ARL15: variants seen among roughly 807,000 people sequenced by gnomAD.
The protein encoded by ARL15 is ARF like GTPase 15.
A neutral mutation model predicts 25.2 loss-of-function variants in ARL15; 19 were observed. The observed-to-expected ratio is 0.75, with a 90% CI of 0.53 to 1.10. The LOEUF (loss-of-function observed/expected upper bound fraction) is 1.10. Among genes scored for constraint, ARL15 ranks in the 50% least tolerant of loss-of-function variants. The pLI is 0.00. For synonymous variants in ARL15, 94 were observed against 86.8 expected (o/e 1.08, Z -0.46); for missense variants, 220 against 246.0 (o/e 0.89, Z 0.71).
chr5:54,198,095 A>G (rs369110959), intron 1 of ARL15, among the ~76,000 whole-genome samples: 1 of 152,088 alleles, frequency 6.6e-6, no homozygotes, highest in Admixed American at 6.6e-5. Flanking sequence ...AAATTCAACA[A>G]CCCTTCATGT....
intron 4 of ARL15, among the ~76,000 whole-genome samples, chr5:54,055,006 T>C (rs1403437655): frequency 2.0e-5 from 3 of 152,232 alleles, no homozygotes; most frequent in Admixed American, 6.5e-5. Context: ...ACAATTCACA[T>C]ACCACACAAT....
chr5:54,135,852 A>G (rs1011633820), intron 3 of ARL15, among the ~76,000 whole-genome samples: 1 of 152,188 alleles, frequency 6.6e-6, no homozygotes, highest in East Asian at 1.9e-4. Flanking sequence ...GAATGCTATT[A>G]TAAGACTCAT....
In ARL15 at chr5:53,920,651, TAATAAATAAATA is replaced by T. The variant is rs377705778; in HGVS notation, c.463-33950_463-33939del. Among the ~76,000 whole-genome samples, 630 of 141,212 alleles carry T rather than the reference TAATAAATAAATA, an allele frequency of 4.5e-3. 4 individuals are homozygous for T. Among genetic ancestry groups the T allele is most frequent in the African/African-American group, 0.012 (479 of 38,394 alleles). The allele number at this position is 141,212 out of a possible 152,430, so 92.6% of individuals were successfully genotyped here. A position where few individuals can be genotyped will look rare whatever the true frequency, so the allele number is the denominator to read the frequency against. ...GTGAGACTCTGTCTCTATTAAAAAA[TAATAAATAAATA>T]AATAAATAAATAAATAAATAAATAA... On this transcript the variant is annotated intron_variant, in intron 4 of 4. Transcript: ENST00000504924.
intron 4 of ARL15, among the ~76,000 whole-genome samples, chr5:54,107,504 T>TGAAAAA (rs1331660580): frequency 3.9e-5 from 6 of 152,096 alleles, no homozygotes; most frequent in Non-Finnish European, 8.8e-5. Context: ...GATAGGAAGT[T>TGAAAAA]TGCTTGTTCT....
At chr5:53,902,705 G>A (rs1002219463) in intron 4 of ARL15, among the ~76,000 whole-genome samples, 4 of 152,278 alleles carry the variant, frequency 2.6e-5, no homozygotes, top group African/African-American at 4.8e-5. Flanking sequence ...CAAGCCACGC[G>A]TTACTCAGTC....
chr5:54,175,987 T>C (rs1004002843), intron 1 of ARL15, among the ~76,000 whole-genome samples: 1 of 152,116 alleles, frequency 6.6e-6, no homozygotes, highest in Non-Finnish European at 1.5e-5. Context: ...AGTGATATCA[T>C]CTCCAGTCCC....
chr5:54,078,911 A>G (rs1189707087), intron 4 of ARL15, among the ~76,000 whole-genome samples: 5 of 152,214 alleles, frequency 3.3e-5, no homozygotes, highest in Non-Finnish European at 7.4e-5. Flanking sequence ...AGTATCGCTT[A>G]ACTAAAGTGA....
chr5:53,891,595 A>AT (rs1315178984), intron 4 of ARL15, among the ~76,000 whole-genome samples: 3 of 152,026 alleles, frequency 2.0e-5, no homozygotes, highest in South Asian at 2.1e-4. Context: ...CTATTAGCTT[A>AT]TTTTTTCTGC....
chr5:53,962,294 C>T (rs891701125), intron 4 of ARL15, among the ~76,000 whole-genome samples: 5 of 151,960 alleles, frequency 3.3e-5, no homozygotes, highest in Non-Finnish European at 7.4e-5. Context: ...GTATTCTATC[C>T]CATGTACTCC....
At chr5:54,120,423 T>C (rs902569891) in intron 3 of ARL15, among the ~76,000 whole-genome samples, 1 of 152,206 alleles carries the variant, frequency 6.6e-6, no homozygotes, top group Non-Finnish European at 1.5e-5. Flanking sequence ...AACCACAAAG[T>C]ACATTAACCT....
At position 54,071,518 on chromosome 5, in the gene ARL15, C is replaced by A. The variant is rs75420035; in HGVS notation, c.462+41684G>T. Among the ~76,000 whole-genome samples, 123 of 134,642 alleles carry A rather than the reference C, an allele frequency of 9.1e-4. 6 individuals carry two copies. In the Middle Eastern group the frequency reaches 0.014, roughly 16 times the overall value. 88.3% of individuals were successfully genotyped at this position (134,642 alleles called of 152,430 possible). A position where few individuals can be genotyped will look rare whatever the true frequency, so the allele number is the denominator to read the frequency against. ...CTCTCTTCCACCGCCTTTCCCCCCC[C>A]CCCCCCCGCAAAGCCAGACCCAACC... On this transcript the variant is annotated intron_variant, in intron 4 of 4. Coordinates refer to ENST00000504924, the MANE Select transcript of ARL15 (RefSeq NM_019087.3).
At chr5:54,209,044 AAGT>A (rs1217679848) in intron 1 of ARL15, among the ~76,000 whole-genome samples, 6 of 152,320 alleles carry the variant, frequency 3.9e-5, no homozygotes, top group Admixed American at 2.0e-4. Context: ...ACTCAAGAGA[AAGT>A]AGAGTTTAAT....
intron 4 of ARL15, among the ~76,000 whole-genome samples, chr5:54,112,641 T>C (rs1355720086): frequency 2.6e-5 from 4 of 152,188 alleles, no homozygotes; most frequent in Admixed American, 6.5e-5. Flanking sequence ...CTCATGCTTT[T>C]ATAGGAGAGA....
chr5:54,015,306 C>A (rs1313418536), intron 4 of ARL15, among the ~76,000 whole-genome samples: 6 of 143,200 alleles, frequency 4.2e-5, no homozygotes, highest in Admixed American at 1.4e-4. Context: ...AAAAAAAAAA[C>A]AAAAACAAAA....
intron 4 of ARL15, among the ~76,000 whole-genome samples, chr5:53,946,506 T>TCTTTCCC (rs997605807): frequency 8.0e-6 from 1 of 124,498 alleles, no homozygotes; most frequent in African/African-American, 2.9e-5. Flanking sequence ...GATTATAGAA[T>TCTTTCCC]CTTTCCCCTA....
intron 1 of ARL15, among the ~76,000 whole-genome samples, chr5:54,202,525 G>A (rs1054882673): frequency 2.6e-5 from 4 of 152,254 alleles, no homozygotes; most frequent in Non-Finnish European, 5.9e-5. Flanking sequence ...CAAGAAAAGG[G>A]AATCTCCTCT....
At chr5:54,122,420 T>G (rs539868263) in intron 3 of ARL15, among the ~76,000 whole-genome samples, 67 of 152,386 alleles carry the variant, frequency 4.4e-4, no homozygotes, top group African/African-American at 1.5e-3. Flanking sequence ...TGTCCACATG[T>G]GCACGTGCAT....
intron 3 of ARL15, among the ~76,000 whole-genome samples, chr5:54,126,784 C>A (rs1315586689): frequency 2.0e-5 from 3 of 152,304 alleles, no homozygotes; most frequent in Middle Eastern, 6.8e-3. Flanking sequence ...AACTTCCCAG[C>A]CTCCAGATCT....
At chr5:54,069,558 CAAAAAAA>C (rs34795383) in intron 4 of ARL15, among the ~76,000 whole-genome samples, 67 of 48,086 alleles carry the variant, frequency 1.4e-3, no homozygotes, top group African/African-American at 5.5e-3. Context: ...CAAAACGTCT[CAAAAAAA>C]AAAAAAAAAA....
Sources: gnomAD v4.1 joint callset for allele counts (sites outside exome capture counted in the v4.1 genomes callset) on GRCh38, gnomAD v4.1.1 for gene constraint, MANE v1.5 for transcripts, NCBI Gene and HGNC (gene_info 2026-07-23, HGNC 2026-07-21) for gene names.